Variants in SMYD3 observed in about 807,000 individuals in gnomAD.
SMYD3 encodes histone-lysine N-methyltransferase SMYD3.
Under a neutral mutation model 57.7 loss-of-function variants are expected in SMYD3, and 36 were observed. That is an observed-to-expected ratio of 0.62 (90% CI 0.48 to 0.82). The LOEUF is 0.82. SMYD3 is among the 40% of genes least tolerant of loss of function. SMYD3 has a pLI of 0.00. For missense variants in SMYD3, 515 were observed against 538.8 expected, an observed-to-expected ratio of 0.96 and a Z score of 0.44; for synonymous variants, 211 against 195.0, an observed-to-expected ratio of 1.08 and a Z score of -0.68.
intron 11 of SMYD3, among the ~76,000 whole-genome samples, chr1:245,762,437 G>A (rs1437610424): frequency 1.3e-5 from 2 of 152,186 alleles, no homozygotes; most frequent in Non-Finnish European, 2.9e-5. Context: ...TTGTTTTTCT[G>A]TCAGGACTTT....
At chr1:246,373,700 G>T (rs796119792) in intron 1 of SMYD3, among the ~76,000 whole-genome samples, 5 of 152,264 alleles carry the variant, frequency 3.3e-5, no homozygotes, top group African/African-American at 1.2e-4. Context: ...TTTCTGAAAA[G>T]ATGTCTCAAC....
intron 5 of SMYD3, among the ~76,000 whole-genome samples, chr1:246,221,067 G>T (rs572310464): frequency 6.6e-6 from 1 of 152,168 alleles, no homozygotes; most frequent in African/African-American, 2.4e-5. Context: ...CGACCTGCCT[G>T]CAGAGAACAG....
At chr1:246,144,167 C>G (rs2061806789) in intron 5 of SMYD3, among the ~76,000 whole-genome samples, 1 of 152,204 alleles carries the variant, frequency 6.6e-6, no homozygotes, top group African/African-American at 2.4e-5. Context: ...CAGAGGACTA[C>G]TAAAGATCGG....
chr1:245,775,566 A>C (rs931007924), intron 10 of SMYD3, among the ~76,000 whole-genome samples: 1 of 151,562 alleles, frequency 6.6e-6, no homozygotes, highest in African/African-American at 2.4e-5. Context: ...CCAGGGACAC[A>C]AACACTGCGG....
chr1:246,391,208 A>G (rs998591363), intron 1 of SMYD3, among the ~76,000 whole-genome samples: 4 of 147,478 alleles, frequency 2.7e-5, no homozygotes, highest in African/African-American at 1.0e-4. Context: ...CAACTAAGCG[A>G]GACTCTATAT....
intron 5 of SMYD3, among the ~76,000 whole-genome samples, chr1:245,950,139 G>T (rs1196620022): frequency 6.6e-6 from 1 of 152,088 alleles, no homozygotes; most frequent in Non-Finnish European, 1.5e-5. Context: ...CCAGCAACAG[G>T]TTCCAAAGAA....
intron 1 of SMYD3, among the ~76,000 whole-genome samples, chr1:246,496,565 T>C (rs1160846701): frequency 6.6e-6 from 1 of 152,104 alleles, no homozygotes; most frequent in African/African-American, 2.4e-5. Context: ...CGGTAGCTCA[T>C]GCCTGTAGTC....
intron 1 of SMYD3, among the ~76,000 whole-genome samples, chr1:246,445,659 T>C (rs184650369): frequency 6.6e-6 from 1 of 152,290 alleles, no homozygotes; most frequent in African/African-American, 2.4e-5. Flanking sequence ...CTACAGCTGT[T>C]AAGACAGTCT....
At chr1:246,106,130 G>A (rs1467999821) in intron 5 of SMYD3, among the ~76,000 whole-genome samples, 2 of 152,110 alleles carry the variant, frequency 1.3e-5, no homozygotes, top group African/African-American at 4.8e-5. Flanking sequence ...GCCTATTCAT[G>A]GAACCATGTT....
intron 10 of SMYD3, among the ~76,000 whole-genome samples, chr1:245,824,025 T>C (rs2148351189): frequency 6.6e-6 from 1 of 152,276 alleles, no homozygotes; most frequent in South Asian, 2.1e-4. Context: ...CAGGGTCACA[T>C]TTTTTGTTAC....
chr1:245,814,535 C>G, intron 10 of SMYD3: 1 of 325,708 alleles, frequency 3.1e-6, no homozygotes, highest in Non-Finnish European at 4.4e-6. Flanking sequence ...CTAGTACTGA[C>G]TACACGCGGC....
intron 7 of SMYD3, among the ~76,000 whole-genome samples, chr1:245,926,096 A>G (rs2056352207): frequency 6.6e-6 from 1 of 152,184 alleles, no homozygotes; most frequent in African/African-American, 2.4e-5. Flanking sequence ...TGGCAGCAGG[A>G]GTGTCCTCTT....
chr1:246,499,258 T>G (rs568053110), intron 1 of SMYD3, among the ~76,000 whole-genome samples: 3 of 151,528 alleles, frequency 2.0e-5, no homozygotes. Flanking sequence ...GAGCCGAGAT[T>G]GTACCACTGC....
At chr1:246,459,055 T>C (rs889698413) in intron 1 of SMYD3, among the ~76,000 whole-genome samples, 3 of 151,928 alleles carry the variant, frequency 2.0e-5, no homozygotes, top group Admixed American at 6.6e-5. Context: ...AGGGGCCTGA[T>C]GGGGGGGTGA....
At chr1:245,964,775 AAGC>A (rs1169961877) in intron 5 of SMYD3, among the ~76,000 whole-genome samples, 1 of 151,526 alleles carries the variant, frequency 6.6e-6, no homozygotes, top group Admixed American at 6.6e-5. Context: ...TGAAATGAAA[AAGC>A]AAAGAGAACA....
intron 1 of SMYD3, among the ~76,000 whole-genome samples, chr1:246,376,207 G>GCT (rs2066273896): frequency 6.6e-6 from 1 of 152,002 alleles, no homozygotes. Context: ...TACACACACA[G>GCT]CTCTCTACGT....
In SMYD3 at chr1:246,002,368, T is replaced by C. The variant is rs527760929; in HGVS notation, c.532-72431A>G. On this transcript the variant is annotated intron_variant, in intron 5 of 11. Coordinates refer to ENST00000490107, the MANE Select transcript of SMYD3 (RefSeq NM_001167740.2). The stretch of plus-strand genomic sequence containing the variant: ...CCCGGCTAATTTTTTGTATTTTTAG[T>C]AGAGACGGGGTTTCACCGTGTTAGC... Among the ~76,000 whole-genome samples, 5 of 59,442 alleles carry C rather than the reference T, an allele frequency of 8.4e-5. 1 individual carries two copies. The Admixed American group carries it at 8.5e-4, about 10-fold the overall frequency. The allele number at this position is 59,442 out of a possible 152,430, so 39.0% of individuals were successfully genotyped here.
At chr1:245,889,422 C>T (rs1008005629) in intron 8 of SMYD3, among the ~76,000 whole-genome samples, 4 of 152,158 alleles carry the variant, frequency 2.6e-5, no homozygotes, top group African/African-American at 4.8e-5. Context: ...GCTGCCCACA[C>T]CCACTGCAGA....
chr1:245,805,698 G>A (rs2048114903), intron 10 of SMYD3, among the ~76,000 whole-genome samples: 2 of 152,132 alleles, frequency 1.3e-5, no homozygotes, highest in South Asian at 2.1e-4. Context: ...TCAATATTCA[G>A]TGCTCACCCC....
Sources: allele counts gnomAD v4.1 joint callset (sites outside exome capture counted in the v4.1 genomes callset), GRCh38; gene constraint gnomAD v4.1.1; transcripts MANE v1.5; gene names NCBI Gene and HGNC (gene_info 2026-07-23, HGNC 2026-07-21).